The following TDRD3 variants were observed in gnomAD, a reference collection of about 807,000 sequenced individuals.
The protein encoded by TDRD3 is tudor domain containing 3.
In TDRD3, 45 loss-of-function variants were observed where a neutral mutation model predicts 86.7. The ratio of observed to expected loss-of-function variants is 0.52; its 90% CI spans 0.41 to 0.67. The LOEUF (loss-of-function observed/expected upper bound fraction) is 0.67, where lower values mean the gene tolerates loss of function less well. TDRD3 is among the 30% of genes least tolerant of loss of function. The probability of loss-of-function intolerance (pLI) is 0.00; values close to 1 mark genes in which losing one functional copy is unlikely to be tolerated. For synonymous variants in TDRD3, 298 were observed against 301.7 expected (o/e 0.99, Z 0.13); for missense variants, 814 against 889.0 (o/e 0.92, Z 1.07).
chr13:60,425,209 TAAACTTTTCCCCAAAGAA>T (rs1236205926), intron 1 of TDRD3, among the ~76,000 whole-genome samples: 3 of 152,154 alleles, frequency 2.0e-5, no homozygotes, highest in African/African-American at 7.2e-5. Flanking sequence ...ACGATCTGAA[TAAACTTTTCCCCAAAGAA>T]GACATAAAAA....
At chr13:60,500,722 A>G (rs1956812827) in intron 8 of TDRD3, among the ~76,000 whole-genome samples, 1 of 152,218 alleles carries the variant, frequency 6.6e-6, no homozygotes, top group African/African-American at 2.4e-5. Flanking sequence ...AAGAAGCATG[A>G]TTGGAAAATT....
rs77049259 is a variant in TDRD3 at position 60,504,892 on chromosome 13, A to G, written c.859-4871A>G. On this transcript the variant is annotated intron_variant, in intron 8 of 13. Transcript: ENST00000377881. ...GCCATGAGGTATTGTGCCATGAGGA[A>G]TAGTGGACTTCGGCCCAGATACTAT... 1.4e-4 allele frequency among the ~76,000 whole-genome samples: 21 copies of G among 152,298 alleles called. No homozygotes were observed. The East Asian group carries it at 4.1e-3, about 29-fold the overall frequency.
rs1008054775 is a variant in TDRD3 at position 60,397,900 on chromosome 13, C to T, written c.41+495C>T. ...GCAGAGCAGAGCACAGCCCGCGCTGCGGCCGGAGCCGCCTCTTCTTACCCC... is the reference window on the plus strand; with the variant it reads ...GCAGAGCAGAGCACAGCCCGCGCTGTGGCCGGAGCCGCCTCTTCTTACCCC... On this transcript the variant is annotated intron_variant, in intron 1 of 13. Transcript: ENST00000377881. Among the ~76,000 whole-genome samples the T allele has an allele frequency of 2.0e-5, 3 of 152,160 alleles. No individual in the cohort carries two copies. The East Asian group carries it at 5.8e-4, about 29-fold the overall frequency.
intron 5 of TDRD3, among the ~76,000 whole-genome samples, chr13:60,477,803 G>T (rs370647748): frequency 6.6e-6 from 1 of 152,252 alleles, no homozygotes; most frequent in African/African-American, 2.4e-5. Flanking sequence ...TCTCATCTAC[G>T]TGCATCAGGA....
At chr13:60,502,619 T>A (rs971760865) in intron 8 of TDRD3, among the ~76,000 whole-genome samples, 1 of 152,112 alleles carries the variant, frequency 6.6e-6, no homozygotes, top group Non-Finnish European at 1.5e-5. Context: ...TGGGTTTGTA[T>A]CTTCAAATAC....
At chr13:60,489,132 C>A (rs1201784961) in intron 7 of TDRD3, among the ~76,000 whole-genome samples, 1 of 152,076 alleles carries the variant, frequency 6.6e-6, no homozygotes, top group Non-Finnish European at 1.5e-5. Context: ...TTTGCCCAGA[C>A]CAACATCCTG....
At chr13:60,497,708 C>T (rs1956748083) in intron 8 of TDRD3, among the ~76,000 whole-genome samples, 1 of 152,088 alleles carries the variant, frequency 6.6e-6, no homozygotes. Context: ...GACCTTGTAG[C>T]TTGGAATGGG....
chr13:60,493,950 AAAT>A (rs1956659136), intron 7 of TDRD3, among the ~76,000 whole-genome samples: 1 of 152,246 alleles, frequency 6.6e-6, no homozygotes, highest in South Asian at 2.1e-4. Flanking sequence ...TGATTAATGA[AAAT>A]AATAAATTAG....
chr13:60,413,814 A>G (rs1954426223), intron 1 of TDRD3, among the ~76,000 whole-genome samples: 1 of 152,124 alleles, frequency 6.6e-6, no homozygotes, highest in South Asian at 2.1e-4. Context: ...AATCTCAAAT[A>G]TATATATCAT....
intron 11 of TDRD3, among the ~76,000 whole-genome samples, chr13:60,533,000 A>G (rs1031673110): frequency 1.2e-4 from 19 of 152,324 alleles, no homozygotes; most frequent in African/African-American, 4.6e-4. Context: ...ATGCTAAGAT[A>G]TAGCATGATT....
intron 5 of TDRD3, among the ~76,000 whole-genome samples, chr13:60,472,444 C>T (rs1956092802): frequency 6.6e-6 from 1 of 152,160 alleles, no homozygotes; most frequent in African/African-American, 2.4e-5. Flanking sequence ...ATATACTACC[C>T]TACAGCCATT....
chr13:60,444,549 A>C, intron 2 of TDRD3, 134 bp from the exon 3 acceptor site: 1 of 510,892 alleles, frequency 2.0e-6, no homozygotes, highest in Non-Finnish European at 3.4e-6. Context: ...TTGATAATAC[A>C]TGTAGATCTC....
intron 8 of TDRD3, among the ~76,000 whole-genome samples, chr13:60,496,804 C>T (rs1261413278): frequency 6.6e-6 from 1 of 152,126 alleles, no homozygotes; most frequent in Non-Finnish European, 1.5e-5. Context: ...GAGTAAGAGT[C>T]TTATTGTTAC....
At chr13:60,402,366 G>T (rs1954123539) in intron 1 of TDRD3, among the ~76,000 whole-genome samples, 1 of 152,188 alleles carries the variant, frequency 6.6e-6, no homozygotes, top group Non-Finnish European at 1.5e-5. Flanking sequence ...TCTTATACTA[G>T]TGGTAATAGA....
intron 11 of TDRD3, among the ~76,000 whole-genome samples, chr13:60,530,746 C>T (rs529681651): frequency 9.2e-5 from 14 of 152,062 alleles, no homozygotes; most frequent in Admixed American, 7.2e-4. Flanking sequence ...TGAGCCACCA[C>T]GCCCGGCCCA....
chr13:60,453,838 T>A (rs1034792938), intron 3 of TDRD3, among the ~76,000 whole-genome samples: 1 of 152,216 alleles, frequency 6.6e-6, no homozygotes, highest in African/African-American at 2.4e-5. Flanking sequence ...CCTGCTTTGC[T>A]TCTTGAGCTG....
intron 13 of TDRD3, among the ~76,000 whole-genome samples, chr13:60,569,732 A>G (rs1449028325): frequency 6.6e-6 from 1 of 152,164 alleles, no homozygotes; most frequent in Non-Finnish European, 1.5e-5. Flanking sequence ...CAAACAGACC[A>G]ATGGAACAGA....
chr13:60,496,348 C>G (rs1161291226), intron 8 of TDRD3, among the ~76,000 whole-genome samples: 1 of 104,056 alleles, frequency 9.6e-6, no homozygotes, highest in Non-Finnish European at 1.9e-5. Context: ...TATATATCCT[C>G]TAAAGTTTTG....
At chr13:60,551,246 T>C (rs946362031) in intron 12 of TDRD3, among the ~76,000 whole-genome samples, 4 of 152,228 alleles carry the variant, frequency 2.6e-5, no homozygotes, top group Non-Finnish European at 5.9e-5. Flanking sequence ...GAATATTTTT[T>C]AACTTTAGTT....
Sources: allele counts gnomAD v4.1 joint callset (sites outside exome capture counted in the v4.1 genomes callset), GRCh38; gene constraint gnomAD v4.1.1; transcripts MANE v1.5; gene names NCBI Gene and HGNC (gene_info 2026-07-23, HGNC 2026-07-21).